TG: variants seen among roughly 807,000 people sequenced by gnomAD.
TG encodes the protein thyroid hormones.
In TG, 270 loss-of-function variants were observed where a neutral mutation model predicts 324.7. The ratio of observed to expected loss-of-function variants is 0.83; its 90% confidence interval spans 0.75 to 0.92. The LOEUF is 0.92. Ranked by LOEUF, TG falls within the 40% of genes least tolerant of loss-of-function variation. TG has a pLI of 0.00. For missense variants in TG, 3,591 were observed against 3,456.4 expected (o/e 1.04, Z -0.98); for synonymous variants, 1,401 against 1,327.0 (o/e 1.06, Z -1.21).
chr8:133,014,220 C>T (rs866083024), intron 37 of TG, among the ~76,000 whole-genome samples: 1 of 152,210 alleles, frequency 6.6e-6, no homozygotes, highest in African/African-American at 2.4e-5. Context: ...GCCAGATCAC[C>T]TATCTCAAGA....
intron 31 of TG, among the ~76,000 whole-genome samples, chr8:132,968,639 T>C (rs542059423): frequency 2.6e-5 from 4 of 152,214 alleles, no homozygotes; most frequent in Non-Finnish European, 5.9e-5. Flanking sequence ...GTCCACAAGC[T>C]GACTGGGCAG....
At chr8:133,019,562 A>T in intron 38 of TG, 40 bp from the exon 39 acceptor site, 1 of 1,577,686 alleles carries the variant, frequency 6.3e-7, no homozygotes, top group Non-Finnish European at 8.7e-7. Context: ...AGGGGTGGTG[A>T]TGGAGCATGT....
chr8:133,124,156 C>T lies in TG; in HGVS notation c.7862+7440C>T, dbSNP rs190682207. Among the ~76,000 whole-genome samples the T allele has an allele frequency of 2.6e-5, 4 of 152,320 alleles. No homozygotes were observed. In the East Asian group the frequency reaches 5.8e-4, roughly 22 times the overall value. ...CCTCTCATCTTAAAATGCCTGGGGG[C>T]TGGGCCAGCTGTGGAGTTCATGGTT... On this transcript the variant is annotated intron_variant, in intron 45 of 47. Transcript: ENST00000220616.
intron 27 of TG, among the ~76,000 whole-genome samples, chr8:132,953,841 G>A (rs1826457854): frequency 6.6e-6 from 1 of 152,164 alleles, no homozygotes; most frequent in Non-Finnish European, 1.5e-5. Context: ...TCAACTATTT[G>A]CTGCTGGCTG....
intron 35 of TG, among the ~76,000 whole-genome samples, chr8:133,000,633 C>G (rs190777060): frequency 1.1e-3 from 172 of 152,266 alleles, no homozygotes; most frequent in African/African-American, 4.0e-3. Flanking sequence ...TGGAAGGAGA[C>G]AACACACGGA....
At chr8:133,089,952 G>A (rs867047745) in intron 41 of TG, 1 of 152,048 alleles carries the variant, frequency 6.6e-6, no homozygotes, top group Admixed American at 6.6e-5. Flanking sequence ...TCCCTCCCCT[G>A]AATTCCCAAA....
At chr8:133,075,748 C>T (rs569475121) in intron 41 of TG, among the ~76,000 whole-genome samples, 1 of 151,984 alleles carries the variant, frequency 6.6e-6, no homozygotes, top group East Asian at 1.9e-4. Context: ...AAACCACAAT[C>T]ATTGTGGCAC....
chr8:133,069,733 G>A (rs1397506127), intron 41 of TG, among the ~76,000 whole-genome samples: 1 of 152,132 alleles, frequency 6.6e-6, no homozygotes, highest in Non-Finnish European at 1.5e-5. Context: ...AGGTGTGGTG[G>A]CTCATGCCTA....
At chr8:133,093,866 G>A (rs970425015) in intron 41 of TG, among the ~76,000 whole-genome samples, 2 of 152,216 alleles carry the variant, frequency 1.3e-5, no homozygotes, top group South Asian at 2.1e-4. Flanking sequence ...AAGAGCAACC[G>A]ACTTATACAA....
chr8:132,986,527 G>A (rs1587689275), intron 35 of TG, among the ~76,000 whole-genome samples: 1 of 152,024 alleles, frequency 6.6e-6, no homozygotes, highest in African/African-American at 2.4e-5. Flanking sequence ...CTACTCTCAC[G>A]ATGCTCACCT....
intron 27 of TG, among the ~76,000 whole-genome samples, chr8:132,956,237 G>A (rs1826844467): frequency 6.6e-6 from 1 of 152,168 alleles, no homozygotes; most frequent in South Asian, 2.1e-4. Context: ...TATTTGGTGG[G>A]CTCTGTGTAT....
intron 35 of TG, among the ~76,000 whole-genome samples, chr8:132,986,687 G>A (rs954325827): frequency 2.0e-5 from 3 of 151,974 alleles, no homozygotes; most frequent in African/African-American, 7.3e-5. Flanking sequence ...TGAACTACTT[G>A]GTACCTAAAA....
intron 5 of TG, among the ~76,000 whole-genome samples, chr8:132,875,899 C>T (rs1352875155): frequency 6.6e-6 from 1 of 152,048 alleles, no homozygotes; most frequent in East Asian, 1.9e-4. Flanking sequence ...CTTCTCTGGG[C>T]ACAGTGGAAG....
intron 29 of TG, 97 bp downstream of exon 29, chr8:132,963,171 T>A: frequency 2.7e-6 from 3 of 1,092,762 alleles, no homozygotes; most frequent in Non-Finnish European, 4.3e-6. Flanking sequence ...CGTATTGACA[T>A]CACTCTATTC....
At chr8:132,954,099 C>G (rs879811) in intron 27 of TG, among the ~76,000 whole-genome samples, 75,077 of 151,842 alleles carry the variant, frequency 0.49, 20,816 homozygotes, top group Non-Finnish European at 0.61. Flanking sequence ...CTGGTGTTCA[C>G]TTTATAGGGG....
chr8:133,018,182 A>G (rs1040640538), intron 38 of TG, among the ~76,000 whole-genome samples, 185 bp downstream of exon 38: 3 of 152,230 alleles, frequency 2.0e-5, no homozygotes, highest in Admixed American at 2.0e-4. Context: ...ACAGTGGCTT[A>G]ACACTGTTTT....
chr8:133,091,215 T>G (rs1847463228), intron 41 of TG, among the ~76,000 whole-genome samples: 1 of 152,230 alleles, frequency 6.6e-6, no homozygotes, highest in Non-Finnish European at 1.5e-5. Flanking sequence ...TTGTAGGAAT[T>G]AACTCCTCGA....
chr8:133,125,897 A>G (rs1441599334), intron 45 of TG, among the ~76,000 whole-genome samples: 1 of 152,238 alleles, frequency 6.6e-6, no homozygotes, highest in Non-Finnish European at 1.5e-5. Flanking sequence ...ATGAGAAGGC[A>G]TTGCAGATTT....
In TG at chr8:133,096,190, G is replaced by T. The variant is rs1186448546; in HGVS notation, c.7405-16G>T. The T allele has an allele frequency of 1.2e-6, 2 of 1,614,164 alleles. No individual in the cohort carries two copies. Among genetic ancestry groups the T allele is most frequent in the Admixed American group, 3.3e-5 (2 of 60,026 alleles). ...GATTATTCCAGGACAACTGATTATT[G>T]TTGCATCCAATGCAGCTCCTGGCCG... On this transcript the variant is annotated splice_polypyrimidine_tract_variant and intron_variant, in intron 42 of 47. Coordinates refer to ENST00000220616, the MANE Select transcript of TG (RefSeq NM_003235.5).
Sources: allele counts gnomAD v4.1 joint callset (sites outside exome capture counted in the v4.1 genomes callset), GRCh38; gene constraint gnomAD v4.1.1; transcripts MANE v1.5; gene names NCBI Gene and HGNC (gene_info 2026-07-23, HGNC 2026-07-21).